Variants in FERMT2 observed in about 807,000 individuals in gnomAD.
FERMT2 encodes the protein fermitin family homolog 2.
In FERMT2, 15 loss-of-function variants were observed where a neutral mutation model predicts 82.7. The ratio of observed to expected loss-of-function variants is 0.18; its 90% CI spans 0.12 to 0.28. FERMT2 has a LOEUF of 0.28. Ranked by LOEUF, FERMT2 falls within the 10% of genes least tolerant of loss-of-function variation. The pLI is 1.00. For missense variants in FERMT2, 645 were observed against 809.4 expected, an observed-to-expected ratio of 0.80 and a Z score of 2.46; for synonymous variants, 274 against 271.5, an observed-to-expected ratio of 1.01 and a Z score of -0.09.
At chr14:52,937,003 T>A (rs1174238455) in intron 2 of FERMT2, among the ~76,000 whole-genome samples, 1 of 150,432 alleles carries the variant, frequency 6.6e-6, no homozygotes, top group African/African-American at 2.4e-5. Flanking sequence ...AAAAAAAAAA[T>A]ACAAAAAAAT....
intron 2 of FERMT2, among the ~76,000 whole-genome samples, chr14:52,937,437 C>T (rs1889894750): frequency 1.3e-5 from 2 of 152,274 alleles, no homozygotes; most frequent in East Asian, 1.9e-4. Flanking sequence ...CAATCCCCAA[C>T]CTGGAATGCC....
intron 10 of FERMT2, among the ~76,000 whole-genome samples, chr14:52,872,396 T>TG (rs1885682332): frequency 6.6e-6 from 1 of 152,046 alleles, no homozygotes; most frequent in African/African-American, 2.4e-5. Context: ...CAGCTGGGTG[T>TG]GGTGGTGCAC....
chr14:52,930,265 C>G (rs1889500792), intron 2 of FERMT2, among the ~76,000 whole-genome samples: 1 of 152,116 alleles, frequency 6.6e-6, no homozygotes, highest in Non-Finnish European at 1.5e-5. Flanking sequence ...TTTCTTTGCT[C>G]AAGACAATCT....
intron 2 of FERMT2, among the ~76,000 whole-genome samples, chr14:52,946,588 G>A (rs983891629): frequency 5.3e-5 from 8 of 152,172 alleles, no homozygotes; most frequent in Admixed American, 5.2e-4. Context: ...AGAAGTTTGA[G>A]GATGCAAAGA....
At chr14:52,908,713 C>T (rs368142921) in intron 3 of FERMT2, among the ~76,000 whole-genome samples, 1 of 152,330 alleles carries the variant, frequency 6.6e-6, no homozygotes, top group East Asian at 1.9e-4. Context: ...TGGTGGTCCA[C>T]TGGTCAAAAT....
chr14:52,874,826 C>T (rs1171033467), intron 8 of FERMT2, among the ~76,000 whole-genome samples: 1 of 152,056 alleles, frequency 6.6e-6, no homozygotes, highest in African/African-American at 2.4e-5. Context: ...CCAGTGGTGG[C>T]GGGAGCACTG....
chr14:52,900,721 T>TA (rs1555369982), intron 3 of FERMT2, among the ~76,000 whole-genome samples: 1 of 151,894 alleles, frequency 6.6e-6, no homozygotes, highest in Non-Finnish European at 1.5e-5. Context: ...AGAAAACAGA[T>TA]AGACTACCTG....
chr14:52,948,891 CA>C (rs1487513419), intron 2 of FERMT2, among the ~76,000 whole-genome samples: 2 of 152,084 alleles, frequency 1.3e-5, no homozygotes, highest in Non-Finnish European at 2.9e-5. Flanking sequence ...AAAGCTCTAA[CA>C]AAAATGCTTG....
At chr14:52,867,665 A>G (rs1391477986) in intron 10 of FERMT2, among the ~76,000 whole-genome samples, 3 of 152,000 alleles carry the variant, frequency 2.0e-5, no homozygotes, top group Admixed American at 6.6e-5. Flanking sequence ...CCCCTAATCC[A>G]ATGTCTACAG....
intron 4 of FERMT2, 29 bp downstream of exon 4, chr14:52,893,264 T>C: frequency 6.4e-7 from 1 of 1,572,920 alleles, no homozygotes; most frequent in South Asian, 1.2e-5. Context: ...AGTTCTTACT[T>C]TGAGTCCATT....
chr14:52,876,529 C>T (rs372480970), intron 7 of FERMT2, among the ~76,000 whole-genome samples: 7 of 152,080 alleles, frequency 4.6e-5, no homozygotes, highest in African/African-American at 1.4e-4. Flanking sequence ...TGAGTCATAC[C>T]GGAGAAATCC....
At chr14:52,861,043 G>A (rs772553206) in intron 12 of FERMT2, 8 of 1,502,696 alleles carry the variant, frequency 5.3e-6, no homozygotes, top group East Asian at 5.2e-5. Context: ...GGCTGTAGAT[G>A]GCAATGCGAG....
intron 3 of FERMT2, among the ~76,000 whole-genome samples, chr14:52,913,716 T>TAAA (rs1555371542): frequency 6.6e-6 from 1 of 151,918 alleles, no homozygotes; most frequent in Non-Finnish European, 1.5e-5. Context: ...GTAGTAGTAA[T>TAAA]GAAAGACCAA....
At chr14:52,947,346 G>A (rs1890402798) in intron 2 of FERMT2, among the ~76,000 whole-genome samples, 1 of 152,130 alleles carries the variant, frequency 6.6e-6, no homozygotes, top group Non-Finnish European at 1.5e-5. Flanking sequence ...AGGCATGGTG[G>A]CGGGTGTCTG....
At chr14:52,908,208 G>C (rs1215554760) in intron 3 of FERMT2, among the ~76,000 whole-genome samples, 2 of 152,158 alleles carry the variant, frequency 1.3e-5, no homozygotes, top group Non-Finnish European at 1.5e-5. Flanking sequence ...AGAGCAACTG[G>C]AACTCTCAAG....
chr14:52,907,285 T>A (rs746688774), intron 3 of FERMT2, among the ~76,000 whole-genome samples: 4 of 152,088 alleles, frequency 2.6e-5, no homozygotes, highest in African/African-American at 9.7e-5. Flanking sequence ...GGACTACATG[T>A]AGGCATGAAC....
At chr14:52,928,008 C>A in intron 2 of FERMT2, 1 of 385,312 alleles carries the variant, frequency 2.6e-6, no homozygotes, top group Non-Finnish European at 5.2e-6. Flanking sequence ...GAAAGTTGAT[C>A]AAATAACTTA....
At chr14:52,909,128 G>C (rs1222638324) in intron 3 of FERMT2, among the ~76,000 whole-genome samples, 1 of 152,120 alleles carries the variant, frequency 6.6e-6, no homozygotes, top group Non-Finnish European at 1.5e-5. Context: ...GTGTGGAAGA[G>C]AGAGAGGTGA....
intron 2 of FERMT2, among the ~76,000 whole-genome samples, chr14:52,926,411 A>AACAC (rs34726532): frequency 0.015 from 2,156 of 147,046 alleles, 19 homozygotes; most frequent in African/African-American, 0.028. Flanking sequence ...GACCAAGTGC[A>AACAC]ACACACACAC....
Sources: allele counts gnomAD v4.1 joint callset (sites outside exome capture counted in the v4.1 genomes callset), GRCh38; gene constraint gnomAD v4.1.1; transcripts MANE v1.5; gene names NCBI Gene and HGNC (gene_info 2026-07-23, HGNC 2026-07-21).